Variants in KALRN observed in about 807,000 individuals in gnomAD.
KALRN encodes kalirin.
Under a neutral mutation model 353.7 loss-of-function variants are expected in KALRN, and 70 were observed. The observed-to-expected ratio is 0.20, with a 90% CI of 0.16 to 0.24. The LOEUF (loss-of-function observed/expected upper bound fraction) is 0.24. KALRN is among the 10% of genes least tolerant of loss of function. The pLI is 1.00. For missense variants in KALRN, 2,791 were observed against 3,756.7 expected, an observed-to-expected ratio of 0.74 and a Z score of 6.72; for synonymous variants, 1,391 against 1,434.8, an observed-to-expected ratio of 0.97 and a Z score of 0.69.
chr3:124,512,730 T>C (rs1577610183), intron 33 of KALRN, among the ~76,000 whole-genome samples: 1 of 152,078 alleles, frequency 6.6e-6, no homozygotes, highest in East Asian at 1.9e-4. Context: ...TGTGTGTTTG[T>C]ATGTGTGTTT....
intron 6 of KALRN, among the ~76,000 whole-genome samples, chr3:124,312,196 T>C (rs1285287931): frequency 2.6e-5 from 4 of 152,206 alleles, no homozygotes; most frequent in African/African-American, 9.6e-5. Flanking sequence ...ATTTCACTCT[T>C]GTTGCCCAGG....
chr3:124,636,876 C>A (rs2081403450), intron 36 of KALRN, among the ~76,000 whole-genome samples: 2 of 152,110 alleles, frequency 1.3e-5, no homozygotes, highest in African/African-American at 4.8e-5. Flanking sequence ...GAGCAGTAGC[C>A]CCCGCCCTCC....
chr3:124,387,334 G>A (rs954631298), intron 11 of KALRN, among the ~76,000 whole-genome samples: 1 of 152,168 alleles, frequency 6.6e-6, no homozygotes, highest in Non-Finnish European at 1.5e-5. Context: ...TGATACAGGG[G>A]GCAGGTGAAG....
intron 1 of KALRN, chr3:124,164,387 C>T (rs150745312): frequency 1.3e-5 from 2 of 152,326 alleles, no homozygotes; most frequent in Admixed American, 1.3e-4. Context: ...TAGAATAGAG[C>T]TGGGAATTCT....
intron 11 of KALRN, among the ~76,000 whole-genome samples, chr3:124,391,249 T>G (rs1302936539): frequency 6.6e-6 from 1 of 152,012 alleles, no homozygotes; most frequent in East Asian, 1.9e-4. Flanking sequence ...AACATGGGAT[T>G]TTTCTTTTCT....
rs564441170 is a variant in KALRN at position 124,138,290 on chromosome 3, C to CT, written c.74-89696dup. Among the ~76,000 whole-genome samples the CT allele has an allele frequency of 7.0e-4, 107 of 152,298 alleles. No homozygotes were observed. The South Asian group carries it at 0.014, about 20-fold the overall frequency. ...TAGCATGTCTTTGGAGAGACCTACT[C>CT]TTTTCCACTCCCCCAACTTTGAAGT... On this transcript the variant is annotated intron_variant, in intron 1 of 59. Coordinates refer to ENST00000682506, the MANE Select transcript of KALRN (RefSeq NM_001388419.1).
At position 124,448,651 on chromosome 3, in the gene KALRN, A is replaced by G. The variant is rs202037292; in HGVS notation, c.3552+1766A>G. Among the ~76,000 whole-genome samples, 52 of 152,076 alleles carry G rather than the reference A, an allele frequency of 3.4e-4. No individual in the cohort carries two copies. The East Asian group carries it at 5.6e-3, about 16-fold the overall frequency. On this transcript the variant is annotated intron_variant, in intron 21 of 59. Coordinates refer to ENST00000682506, the MANE Select transcript of KALRN (RefSeq NM_001388419.1). Reference sequence around the variant, plus strand: ...CCACTCTAGAGCCTCCTCCTCTATGATCCTTCCCACATACCAGGATATGAT... The same window carrying G: ...CCACTCTAGAGCCTCCTCCTCTATGGTCCTTCCCACATACCAGGATATGAT...
At chr3:124,147,147 T>C (rs1000259255) in intron 1 of KALRN, among the ~76,000 whole-genome samples, 3 of 152,146 alleles carry the variant, frequency 2.0e-5, no homozygotes, top group African/African-American at 7.2e-5. Context: ...TAGTGAGTGG[T>C]GGGCCTACAT....
intron 3 of KALRN, among the ~76,000 whole-genome samples, chr3:124,253,531 C>T (rs1267689367): frequency 6.6e-6 from 1 of 152,230 alleles, no homozygotes; most frequent in African/African-American, 2.4e-5. Flanking sequence ...TCATCCTGCA[C>T]TGTCAGCCCT....
chr3:124,379,395 C>G (rs1313838365), intron 10 of KALRN, among the ~76,000 whole-genome samples: 1 of 152,078 alleles, frequency 6.6e-6, no homozygotes, highest in Non-Finnish European at 1.5e-5. Context: ...TGATTATGTG[C>G]ACGCCTGGTA....
intron 5 of KALRN, among the ~76,000 whole-genome samples, chr3:124,281,355 A>G (rs932552642): frequency 6.6e-6 from 1 of 152,214 alleles, no homozygotes; most frequent in African/African-American, 2.4e-5. Context: ...TGGGTTGACC[A>G]GCTTGTCCCA....
chr3:124,381,960 C>G (rs1274351519), intron 10 of KALRN, among the ~76,000 whole-genome samples: 2 of 152,160 alleles, frequency 1.3e-5, no homozygotes, highest in Non-Finnish European at 2.9e-5. Context: ...TTCTCCCTCT[C>G]TACTAAATCC....
Position 124,667,016 on chromosome 3 carries a change from A to C in KALRN, c.6536A>C (p.Asn2179Thr). ...GATCAACTCGTTTTCTTCCAGATGA[A>C]TTACTTGGTCCTGGAGGAGAATGTG... is the stretch of plus-strand genomic sequence containing the variant. ...GYMFKRSIKM[N>T]YLVLEENVDN... Residue 2179 changes from asparagine (N) to threonine (T), a missense_variant, in exon 47 of 60, where the codon AAT (asparagine) becomes ACT (threonine). Around this residue, in one of 11 missense-constraint regions of KALRN, gnomAD observed 1,065 missense variants for 1,156.4 expected, o/e 0.92. Transcript: ENST00000682506. 1.3e-6 allele frequency: 2 copies of C among 1,592,608 alleles called. No individual in the cohort carries two copies. The highest frequency in any genetic ancestry group is 1.7e-6 in the Non-Finnish European group (2 of 1,166,516).
rs2085644608 is a variant in KALRN at position 124,666,506 on chromosome 3, C to G, written c.6403C>G (p.Leu2135Val). Residue 2135 changes from leucine to valine, a missense_variant, in exon 46 of 60, where the codon CTG becomes GTG. Leu to Val is a conservative substitution (Grantham distance 32). Around this residue, in one of 11 missense-constraint regions of KALRN, gnomAD observed 1,065 missense variants for 1,156.4 expected, o/e 0.92. Transcript: ENST00000682506. ...LQQDTFYVIE[L>V]DAGMQSRTKE... is the part of the protein sequence containing the mutation. ...GCAGGACACATTCTATGTGATCGAG[C>G]TGGATGCAGGCATGCAGTCCCGGAC... The G allele has an allele frequency of 6.2e-7, 1 of 1,614,066 alleles. No homozygotes were observed. Among genetic ancestry groups the G allele is most frequent in the Non-Finnish European group, 8.5e-7 (1 of 1,179,920 alleles).
chr3:124,596,815 AGGTG>A (rs2076310444), intron 34 of KALRN, among the ~76,000 whole-genome samples: 1 of 152,210 alleles, frequency 6.6e-6, no homozygotes, highest in Non-Finnish European at 1.5e-5. Context: ...TGGGAGGCCG[AGGTG>A]GGTAGATCAG....
rs192786873 is a variant in KALRN, at chr3:124,717,957, G to T, written c.8415+572G>T. Among the ~76,000 whole-genome samples the T allele has an allele frequency of 2.8e-4, 43 of 151,244 alleles. No homozygotes were observed. The East Asian group carries it at 8.4e-3, about 30-fold the overall frequency. ...CTCCCAAGTAGCTGGGATTACAGGC[G>T]CTCACCACCATGCCCAGCTAATTTT... On this transcript the variant is annotated intron_variant, in intron 59 of 59. Coordinates refer to ENST00000682506, the MANE Select transcript of KALRN (RefSeq NM_001388419.1).
In KALRN at chr3:124,220,384, C is replaced by CTG. The variant is rs58232103; in HGVS notation, c.74-7590_74-7589dup. 1.4e-3 allele frequency among the ~76,000 whole-genome samples: 212 copies of CTG among 150,582 alleles called. 1 individual carries two copies. Among genetic ancestry groups the CTG allele is most frequent in the African/African-American group, 3.9e-3 (159 of 41,130 alleles). On this transcript the variant is annotated intron_variant, in intron 1 of 59. Coordinates refer to ENST00000682506, the MANE Select transcript of KALRN (RefSeq NM_001388419.1). ...CCTCTATTTCTTTCTCTCTCTCTTT[C>CTG]TGTGTGTGTGTGTGTGTATGTGTGT...
Position 124,674,677 on chromosome 3 carries a change from CAAAAG to C in KALRN, c.7193+66_7193+70del, listed in dbSNP as rs2086949528. On this transcript the variant is annotated intron_variant, in intron 49 of 59. Transcript: ENST00000682506. Reference sequence around the variant, plus strand: ...AGGATTAAAAATATTCAGAAACAAACAAAAGAACACAAAAATGCAAACACATGGTA... The same window carrying C: ...AGGATTAAAAATATTCAGAAACAAACAACACAAAAATGCAAACACATGGTA... 1.8e-5 allele frequency: 26 copies of C among 1,435,444 alleles called. No individual in the cohort carries two copies. The South Asian group carries it at 2.2e-4, about 12-fold the overall frequency. 88.9% of individuals were successfully genotyped at this position (1,435,444 alleles called of 1,614,324 possible). A position where few individuals can be genotyped will look rare whatever the true frequency, so the allele number is the denominator to read the frequency against.
At chr3:124,560,176 G>A (rs2071791310) in intron 33 of KALRN, among the ~76,000 whole-genome samples, 1 of 152,260 alleles carries the variant, frequency 6.6e-6, no homozygotes, top group Admixed American at 6.5e-5. Flanking sequence ...TGGGTGCCAT[G>A]CTGGGCTGTT....
Sources: gnomAD v4.1 joint callset for allele counts (sites outside exome capture counted in the v4.1 genomes callset) on GRCh38, gnomAD v4.1.1 for gene constraint, gnomAD v4.1.1 regional missense constraint, MANE v1.5 for transcripts, NCBI Gene and HGNC (gene_info 2026-07-23, HGNC 2026-07-21) for gene names.